SLC30A10: variants seen among roughly 807,000 people sequenced by gnomAD.
SLC30A10 encodes the protein calcium/manganese antiporter SLC30A10.
Under a neutral mutation model 21.7 loss-of-function variants are expected in SLC30A10, and 8 were observed. The ratio of observed to expected loss-of-function variants is 0.37; its 90% CI spans 0.22 to 0.67. SLC30A10 has a LOEUF of 0.67. Ranked by LOEUF, SLC30A10 falls within the 30% of genes least tolerant of loss-of-function variation. SLC30A10 has a pLI of 0.58. For missense variants in SLC30A10, 521 were observed against 642.5 expected (o/e 0.81, Z 2.04); for synonymous variants, 272 against 279.4 (o/e 0.97, Z 0.26).
intron 3 of SLC30A10, among the ~76,000 whole-genome samples, chr1:219,917,708 CTTTTTTTTTTTT>C (rs35106027): frequency 1.9e-5 from 2 of 104,106 alleles, no homozygotes; most frequent in Non-Finnish European, 3.7e-5. Flanking sequence ...TTTTTCTTTC[CTTTTTTTTTTTT>C]TTTTTTTTGA....
intron 2 of SLC30A10, among the ~76,000 whole-genome samples, chr1:219,925,651 A>ATATATATATATATATTTTTTTT (rs1317554458): frequency 2.1e-5 from 1 of 48,284 alleles, no homozygotes; most frequent in Non-Finnish European, 3.2e-5. Context: ...ATATATATAT[A>ATATATATATATATATTTTTTTT]TTTTTTTTTT....
At chr1:219,923,456 G>C (rs1217698918) in intron 2 of SLC30A10, among the ~76,000 whole-genome samples, 1 of 152,186 alleles carries the variant, frequency 6.6e-6, no homozygotes, top group Admixed American at 6.5e-5. Context: ...TGAATTTGTT[G>C]AATGACTGGA....
At chr1:219,947,959 C>CACCAATAACAGACAA (rs1466420177) in intron 1 of SLC30A10, among the ~76,000 whole-genome samples, 1 of 151,828 alleles carries the variant, frequency 6.6e-6, no homozygotes, top group Non-Finnish European at 1.5e-5. Context: ...CATTCTTATA[C>CACCAATAACAGACAA]ACCAATAACA....
chr1:219,918,491 A>G lies in SLC30A10; in HGVS notation c.722T>C (p.Val241Ala). 6.3e-7 allele frequency: 1 copy of G among 1,594,096 alleles called. No homozygotes were observed. Among genetic ancestry groups the G allele is most frequent in the Non-Finnish European group, 8.6e-7 (1 of 1,167,548 alleles). ...KKSEALNIRGVLLHVMGDALG... is the reference protein window; with the variant it reads ...KKSEALNIRGALLHVMGDALG... ...GGCATCTCCCATCACATGCAAAAGTACACCTGCCAGGAAGAAAGACTACTG... is the reference window on the plus strand; with the variant it reads ...GGCATCTCCCATCACATGCAAAAGTGCACCTGCCAGGAAGAAAGACTACTG... The change falls in exon 3 of 4, where the codon GTA becomes GCA. Residue 241 changes from valine to alanine, a missense_variant. Physicochemically the swap from Val to Ala is moderately conservative, Grantham distance 64. Coordinates refer to ENST00000366926, the MANE Select transcript of SLC30A10 (RefSeq NM_018713.3). The surrounding 1 kb of genome is among the most constrained non-coding windows in gnomAD (Gnocchi z 4.4).
In SLC30A10 at chr1:219,927,946, G is replaced by T. The variant is rs776516354; in HGVS notation, c.495C>A (p.Gly165=). 4 of 1,540,828 alleles carry T rather than the reference G, an allele frequency of 2.6e-6. No individual in the cohort carries two copies. Among genetic ancestry groups the T allele is most frequent in the East Asian group, 2.5e-5 (1 of 39,590 alleles). Reference sequence around the variant, plus strand: ...CCGCGCCCTGAGGCCCCCCGAAAGCGCCGGGGACACAGCCCTCCGCCAGCT... The same window carrying T: ...CCGCGCCCTGAGGCCCCCCGAAAGCTCCGGGGACACAGCCCTCCGCCAGCT... ...RQQLAEGCVP[G]AFGGPQGAED... Residue 165 remains glycine (G), a synonymous_variant, in exon 1 of 4, where the codon GGC becomes GGA. Transcript: ENST00000366926.
At chr1:219,937,136 C>T (rs1294069730) in intron 1 of SLC30A10, among the ~76,000 whole-genome samples, 6 of 152,028 alleles carry the variant, frequency 3.9e-5, no homozygotes, top group African/African-American at 1.4e-4. Flanking sequence ...TTCATAAGTT[C>T]GTGTTTTATT....
At chr1:219,959,023 T>G (rs2789784), upstream of SLC30A10, among the ~76,000 whole-genome samples, 71,802 of 152,016 alleles carry the variant, frequency 0.47, 17,050 homozygotes, top group South Asian at 0.53. Flanking sequence ...CCCCATGGCG[T>G]CTCGGTGCCC....
rs578093912 is a variant in SLC30A10 at position 219,953,576 on chromosome 1, C to A, written n.80+4992G>T. On this transcript the variant is annotated intron_variant and non_coding_transcript_variant, in intron 1 of 8. Transcript: ENST00000484239. Reference sequence around the variant, plus strand: ...CGAGACTGTGCCACTGCACTCCAGACTGGGTGACAGAGTGAGACTCCGTCT... The same window carrying A: ...CGAGACTGTGCCACTGCACTCCAGAATGGGTGACAGAGTGAGACTCCGTCT... 2.0e-5 allele frequency among the ~76,000 whole-genome samples: 3 copies of A among 150,964 alleles called. No individual in the cohort carries two copies. In the East Asian group the frequency reaches 5.8e-4, roughly 29 times the overall value.
In SLC30A10 at chr1:219,928,160, A is replaced by G. The variant is rs1470811499; in HGVS notation, c.281T>C (p.Phe94Ser). The change falls in exon 1 of 4, where the codon TTC (phenylalanine) becomes TCC (serine). Residue 94 changes from phenylalanine (F) to serine (S), a missense_variant. By Grantham distance (155) the Phe-to-Ser change is radical. Coordinates refer to ENST00000366926, the MANE Select transcript of SLC30A10 (RefSeq NM_018713.3). The surrounding 1 kb of genome is among the most constrained non-coding windows in gnomAD (Gnocchi z 6.3). ...CAGCACGGCCTCCACGAAGATGGTG[A>G]AGCAGAGCGCGGTGAGGAAGACCGC... ...SNAVFLTALC[F>S]TIFVEAVLRL... The G allele has an allele frequency of 6.4e-7, 1 of 1,560,746 alleles. No individual in the cohort carries two copies. Among genetic ancestry groups the G allele is most frequent in the Non-Finnish European group, 8.7e-7 (1 of 1,152,666 alleles).
intron 1 of SLC30A10, among the ~76,000 whole-genome samples, chr1:219,953,512 G>T (rs1660299880): frequency 6.6e-6 from 1 of 151,544 alleles, no homozygotes; most frequent in South Asian, 2.1e-4. Context: ...AGGAGCAGGA[G>T]AATTGCTTGG....
rs201521315 is a variant in SLC30A10, at chr1:219,943,098, A to G, written n.80+15470T>C. ...TACACAAAATGTGAGAAGGTAAACC[A>G]CCTTGAGAGAAGCAGCAAAAATAAT... On this transcript the variant is annotated intron_variant and non_coding_transcript_variant, in intron 1 of 8. Coordinates refer to the SLC30A10 transcript ENST00000484239. 2.6e-5 allele frequency among the ~76,000 whole-genome samples: 4 copies of G among 152,294 alleles called. No homozygotes were observed. In the East Asian group the frequency reaches 7.7e-4, roughly 29 times the overall value.
intron 2 of SLC30A10, among the ~76,000 whole-genome samples, chr1:219,921,904 T>TGTGTGTGTGAGAGAGA (rs1200596880): frequency 3.5e-5 from 3 of 84,704 alleles, no homozygotes; most frequent in African/African-American, 1.6e-4. Flanking sequence ...TGTGTGTGTG[T>TGTGTGTGTGAGAGAGA]GAAAGAGAGA....
rs1406312435 is a variant in SLC30A10 at position 219,912,988 on chromosome 1, A to G, written c.*2461T>C. Among the ~76,000 whole-genome samples, 1 of 152,224 alleles carries G rather than the reference A, an allele frequency of 6.6e-6. No homozygotes were observed. The highest frequency in any genetic ancestry group is 1.5e-5 in the Non-Finnish European group (1 of 68,046). On this transcript the variant is annotated 3_prime_UTR_variant, in exon 4 of 4. Transcript: ENST00000366926. ...TTAAAGGAAAACAGTGCTGTTTTAA[A>G]TCTATTTATCAGCTGCTACTGCCAC...
chr1:219,928,793 G>A (rs745669347), upstream of SLC30A10: 2 of 212,952 alleles, frequency 9.4e-6, no homozygotes, highest in South Asian at 3.3e-4. This position sits in a 1 kb window ranked among gnomAD's most constrained non-coding sequence, Gnocchi z 6.3. Context: ...AGGAGAGGGG[G>A]CGTGTCTGGA....
At chr1:219,927,719 A>G in intron 1 of SLC30A10, 82 bp downstream of exon 1, 2 of 1,196,048 alleles carry the variant, frequency 1.7e-6, no homozygotes, top group Non-Finnish European at 2.2e-6. Context: ...GAAGAAAAAG[A>G]GGGCGTGGGG....
intron 1 of SLC30A10, among the ~76,000 whole-genome samples, chr1:219,941,103 G>A (rs1478432500): frequency 6.6e-6 from 1 of 152,222 alleles, no homozygotes; most frequent in South Asian, 2.1e-4. Context: ...CAACCTAACT[G>A]AGCCTTCCTG....
intron 1 of SLC30A10, among the ~76,000 whole-genome samples, chr1:219,954,190 G>T (rs1229793781): frequency 2.0e-5 from 3 of 151,966 alleles, no homozygotes; most frequent in African/African-American, 4.8e-5. Flanking sequence ...CCCATGTCAG[G>T]CTATAGTACT....
intron 1 of SLC30A10, among the ~76,000 whole-genome samples, chr1:219,942,872 C>A (rs1375968926): frequency 6.6e-6 from 1 of 152,064 alleles, no homozygotes; most frequent in East Asian, 1.9e-4. Flanking sequence ...TGATAAAACC[C>A]CATCTCTACT....
intron 2 of SLC30A10, among the ~76,000 whole-genome samples, chr1:219,922,653 G>A (rs1659725280): frequency 6.6e-6 from 1 of 152,048 alleles, no homozygotes; most frequent in South Asian, 2.1e-4. Flanking sequence ...CTGTGAAATG[G>A]GGTAGTAATA....
Sources: gnomAD v4.1 joint callset for allele counts (sites outside exome capture counted in the v4.1 genomes callset) on GRCh38, gnomAD v4.1.1 for gene constraint, Gnocchi (gnomAD v3.1) non-coding constraint, MANE v1.5 for transcripts, NCBI Gene and HGNC (gene_info 2026-07-23, HGNC 2026-07-21) for gene names.